CENPN: variants seen among roughly 807,000 people sequenced by gnomAD.
CENPN encodes centromere protein N.
CENPN carries 36 observed loss-of-function variants against 48.6 expected under a neutral mutation model. The observed-to-expected ratio is 0.74, with a 90% confidence interval of 0.57 to 0.98. The LOEUF (loss-of-function observed/expected upper bound fraction) is 0.98, where lower values mean the gene tolerates loss of function less well. Ranked by LOEUF, CENPN falls within the 50% of genes least tolerant of loss-of-function variation. CENPN has a pLI of 0.00. For synonymous variants in CENPN, 166 were observed against 135.2 expected, an observed-to-expected ratio of 1.23 and a Z score of -1.58; for missense variants, 439 against 399.2, an observed-to-expected ratio of 1.10 and a Z score of -0.85.
At chr16:81,022,836 T>G (rs3743503) in intron 7 of CENPN, 138 bp downstream of exon 7, 208,021 of 1,612,478 alleles carry the variant, frequency 0.13, 14,348 homozygotes, top group East Asian at 0.21. Flanking sequence ...AGCTTGCAAT[T>G]AGTGAACATG....
At chr16:81,027,439 C>T (rs1227014202) in intron 9 of CENPN, among the ~76,000 whole-genome samples, 1 of 152,024 alleles carries the variant, frequency 6.6e-6, no homozygotes, top group Non-Finnish European at 1.5e-5. Context: ...GAGCCATGTT[C>T]GTACCACTCC....
chr16:81,029,361 C>G lies in CENPN; in HGVS notation c.*710C>G. 1 of 929,690 alleles carries G rather than the reference C, an allele frequency of 1.1e-6. No individual in the cohort carries two copies. Among genetic ancestry groups the G allele is most frequent in the Non-Finnish European group, 1.3e-6 (1 of 779,440 alleles). 57.6% of individuals were successfully genotyped at this position (929,690 alleles called of 1,614,324 possible). A position where few individuals can be genotyped will look rare whatever the true frequency, so the allele number is the denominator to read the frequency against. On this transcript the variant is annotated 3_prime_UTR_variant, in exon 11 of 11. Transcript: ENST00000305850. ...GTACTTCAGTGATCATCACTAAATA[C>G]CCTATCTTTTTAAAAATTTTTTCCT...
chr16:81,028,551 T>C lies in CENPN; in HGVS notation c.938-18T>C, dbSNP rs770259277. On this transcript the variant is annotated intron_variant, in intron 10 of 10. Transcript: ENST00000305850. ...ACTTTTAATTTTCTTTTTCCCTTTT[T>C]TTTTTTTTTAATTTCAGGTATTGCA... 42 of 1,595,132 alleles carry C rather than the reference T, an allele frequency of 2.6e-5. No homozygotes were observed. Among genetic ancestry groups the C allele is most frequent in the Non-Finnish European group, 3.3e-5 (39 of 1,172,830 alleles).
chr16:81,009,903 A>G (rs187575237), intron 1 of CENPN, among the ~76,000 whole-genome samples: 25 of 151,378 alleles, frequency 1.7e-4, no homozygotes, highest in Admixed American at 5.2e-4. Context: ...CATTGTATAA[A>G]AATCATGTTT....
chr16:81,022,815 G>A (rs1244406457), intron 7 of CENPN, 117 bp downstream of exon 7: 15 of 1,613,130 alleles, frequency 9.3e-6, no homozygotes, highest in African/African-American at 5.3e-5. Context: ...AGATATTACC[G>A]AAATGAAGAA....
At chr16:81,009,733 G>A (rs920506395) in intron 1 of CENPN, among the ~76,000 whole-genome samples, 2 of 152,194 alleles carry the variant, frequency 1.3e-5, no homozygotes, top group Admixed American at 1.3e-4. Context: ...TCACAGCCAG[G>A]ACTCTTGTAG....
chr16:81,016,358 T>A (rs1162138030), intron 3 of CENPN, among the ~76,000 whole-genome samples: 1 of 152,180 alleles, frequency 6.6e-6, no homozygotes, highest in Non-Finnish European at 1.5e-5. Flanking sequence ...ATTGAGTGCT[T>A]GCTTTATGCC....
rs75058642 is a variant in CENPN at position 81,026,555 on chromosome 16, G to A, written c.727G>A (p.Val243Ile). ...MDSRIIHENIVEKERVQRITQ... is the reference protein window; with the variant it reads ...MDSRIIHENIIEKERVQRITQ... The stretch of plus-strand genomic sequence containing the variant: ...TTCAAGGATCATTCATGAAAACATA[G>A]TAGAAAAAGAGAGAGTCCAACGAAT... Residue 243 changes from valine to isoleucine, a missense_variant, in exon 9 of 11, where the codon GTA becomes ATA. Coordinates refer to ENST00000305850, the MANE Select transcript of CENPN (RefSeq NM_001100624.3). 1,302 of 1,601,590 alleles carry A rather than the reference G, an allele frequency of 8.1e-4. 11 individuals carry two copies. In the African/African-American group the frequency reaches 0.016, roughly 19 times the overall value.
intron 1 of CENPN, among the ~76,000 whole-genome samples, chr16:81,008,058 G>C (rs528782773): frequency 4.9e-4 from 75 of 152,240 alleles, no homozygotes; most frequent in African/African-American, 1.7e-3. Context: ...AGTGACCCGA[G>C]ATCGCGCCAC....
rs1970683409 is a variant in CENPN, at chr16:81,029,762, ACAGGGTTTCTCCATGTTGCC to A, written c.*1116_*1135del. Among the ~76,000 whole-genome samples, 1 of 152,092 alleles carries A rather than the reference ACAGGGTTTCTCCATGTTGCC, an allele frequency of 6.6e-6. No homozygotes were observed. Among genetic ancestry groups the A allele is most frequent in the African/African-American group, 2.4e-5 (1 of 41,402 alleles). ...GCTAATTTTTGTATTTTTAGTAGAGACAGGGTTTCTCCATGTTGCCCAGGCTGATCTCAAACTCCTGGGCT... is the reference window on the plus strand; with the variant it reads ...GCTAATTTTTGTATTTTTAGTAGAGACAGGCTGATCTCAAACTCCTGGGCT... On this transcript the variant is annotated 3_prime_UTR_variant, in exon 11 of 11. Coordinates refer to ENST00000305850, the MANE Select transcript of CENPN (RefSeq NM_001100624.3).
intron 8 of CENPN, among the ~76,000 whole-genome samples, chr16:81,026,069 A>ATATATATATATATGTGTG (rs558476841): frequency 6.6e-5 from 9 of 136,704 alleles, no homozygotes; most frequent in Non-Finnish European, 1.2e-4. Context: ...ATATATATAT[A>ATATATATATATATGTGTG]TGTGTGTGTG....
At chr16:81,032,746 C>CAGGAGAGACATACAT, downstream of CENPN, 1 of 1,554,124 alleles carries the variant, frequency 6.4e-7, no homozygotes, top group Non-Finnish European at 8.8e-7. Flanking sequence ...AAATGTATGT[C>CAGGAGAGACATACAT]TCTCCTGATA....
Position 81,028,890 on chromosome 16 carries a change from A to AT in CENPN, c.*240dup, listed in dbSNP as rs2151718171. 8.2e-7 allele frequency: 1 copy of AT among 1,226,226 alleles called. No individual in the cohort carries two copies. The highest frequency in any genetic ancestry group is 3.9e-5 in the East Asian group (1 of 25,446). The allele number at this position is 1,226,226 out of a possible 1,614,324, so 76.0% of individuals were successfully genotyped here. A position where few individuals can be genotyped will look rare whatever the true frequency, so the allele number is the denominator to read the frequency against. On this transcript the variant is annotated 3_prime_UTR_variant, in exon 11 of 11. Transcript: ENST00000305850. ...GCATTTGAGATGACAGGACATATAT[A>AT]TATATGGCCCCACACTTGACCTTGA...
chr16:81,014,193 T>C lies in CENPN; in HGVS notation c.217+12T>C. ...GTTAGACATCATTTGTAAGTGTCAG[T>C]GATTTGTATTTATACTTAACCAATC... On this transcript the variant is annotated intron_variant, in intron 3 of 10. Transcript: ENST00000305850. 6.2e-7 allele frequency: 1 copy of C among 1,608,746 alleles called. No homozygotes were observed. Among genetic ancestry groups the C allele is most frequent in the Non-Finnish European group, 8.5e-7 (1 of 1,175,316 alleles).
chr16:81,015,832 C>T (rs1474958179), intron 3 of CENPN, among the ~76,000 whole-genome samples: 1 of 151,978 alleles, frequency 6.6e-6, no homozygotes, highest in Non-Finnish European at 1.5e-5. Flanking sequence ...ATGGTGAAAC[C>T]CCATCTCTAC....
chr16:81,019,007 G>C (rs913723244), intron 5 of CENPN, among the ~76,000 whole-genome samples: 1 of 152,172 alleles, frequency 6.6e-6, no homozygotes, highest in Non-Finnish European at 1.5e-5. Flanking sequence ...ATATTTAAAA[G>C]TTTGGAAAGG....
intron 1 of CENPN, among the ~76,000 whole-genome samples, chr16:81,007,892 A>C (rs1969521917): frequency 6.6e-6 from 1 of 152,134 alleles, no homozygotes; most frequent in Admixed American, 6.5e-5. Flanking sequence ...GGATCACCTT[A>C]GGTCAGGAGT....
Position 81,027,951 on chromosome 16 carries a change from C to T in CENPN, c.811-220C>T, listed in dbSNP as rs188872117. Among the ~76,000 whole-genome samples the T allele has an allele frequency of 5.9e-5, 9 of 152,288 alleles. No homozygotes were observed. In the East Asian group the frequency reaches 7.7e-4, roughly 13 times the overall value. ...AACTCCTAACCTCAAGTGATCCACT[C>T]GCCTTGGCTTCCCAAAGTGCTGAGA... On this transcript the variant is annotated intron_variant, in intron 9 of 10. Coordinates refer to ENST00000305850, the MANE Select transcript of CENPN (RefSeq NM_001100624.3).
At position 81,022,711 on chromosome 16, in the gene CENPN, G is replaced by A; in HGVS notation, c.633+13G>A. 1 of 1,614,086 alleles carries A rather than the reference G, an allele frequency of 6.2e-7. No homozygotes were observed. Among genetic ancestry groups the A allele is most frequent in the Non-Finnish European group, 8.5e-7 (1 of 1,179,968 alleles). On this transcript the variant is annotated intron_variant, in intron 7 of 10. Coordinates refer to ENST00000305850, the MANE Select transcript of CENPN (RefSeq NM_001100624.3). The stretch of plus-strand genomic sequence containing the variant: ...ACAGTATAATCAGGTGAGCCAATCA[G>A]TGACTCTCTTTAAAGGTAAATCTTT...
Sources: gnomAD v4.1 joint callset for allele counts (sites outside exome capture counted in the v4.1 genomes callset) on GRCh38, gnomAD v4.1.1 for gene constraint, MANE v1.5 for transcripts, NCBI Gene and HGNC (gene_info 2026-07-23, HGNC 2026-07-21) for gene names.